Variants in DMD observed in about 807,000 individuals in gnomAD.
DMD encodes dystrophin.
DMD carries 63 observed loss-of-function variants against 330.1 expected under a neutral mutation model. The observed-to-expected ratio is 0.19, with a 90% CI of 0.16 to 0.24. DMD has a LOEUF of 0.24. DMD is among the 10% of genes least tolerant of loss of function. The pLI, the probability that DMD is intolerant of heterozygous loss-of-function variation, is 1.00. For missense variants in DMD, 3,344 were observed against 2,684.1 expected, an observed-to-expected ratio of 1.25 and a Z score of -5.43; for synonymous variants, 1,223 against 959.8, an observed-to-expected ratio of 1.27 and a Z score of -5.07.
At chrX:32,491,135 T>G in intron 20 of DMD, 142 bp downstream of exon 20, 4 of 760,491 alleles carry the variant, frequency 5.3e-6, no homozygotes, top group Non-Finnish European at 7.9e-6. Context: ...TTTCTGTTGC[T>G]TACATTTTGA....
intron 1 of DMD, among the ~76,000 whole-genome samples, chrX:33,022,005 T>C (rs144868610): frequency 0.012 from 1,305 of 111,982 alleles, 24 homozygotes; most frequent in African/African-American, 0.04. Flanking sequence ...TGGTCAAAAT[T>C]AAACCATCTT....
intron 44 of DMD, among the ~76,000 whole-genome samples, chrX:32,085,673 C>CGT (rs1569541222): frequency 4.5e-5 from 2 of 44,254 alleles, no homozygotes; most frequent in African/African-American, 1.7e-4. Flanking sequence ...CGTATATATA[C>CGT]ACACGCGTAT....
chrX:31,408,641 C>T (rs184533184), intron 60 of DMD, among the ~76,000 whole-genome samples: 1,850 of 109,093 alleles, frequency 0.017, 46 homozygotes, highest in African/African-American at 0.058. Flanking sequence ...TCAAGTGATC[C>T]GCCTGCCTCG....
chrX:32,657,468 A>G (rs778953315), intron 9 of DMD, among the ~76,000 whole-genome samples: 2 of 112,053 alleles, frequency 1.8e-5, no homozygotes, highest in South Asian at 7.3e-4. Context: ...TAATTCTTAC[A>G]AACACCCTAA....
chrX:33,188,234 A>ATCTCTCTCTCTCTCTCTC (rs745634940), intron 1 of DMD, among the ~76,000 whole-genome samples: 7 of 104,503 alleles, frequency 6.7e-5, no homozygotes, highest in African/African-American at 2.1e-4. Flanking sequence ...TCCTTTAACC[A>ATCTCTCTCTCTCTCTCTC]TCTCTCTCTC....
chrX:31,968,389 C>T lies in DMD; in HGVS notation c.6564G>A (p.Leu2188=). ...TGCAGACCTCCTGCCACCGCAGATT[C>T]AGGCTTCCCAATTTTTCCTGTAGAA... ...ASILQEKLGS[L]NLRWQEVCKQ... Residue 2188 remains leucine, a synonymous_variant, in exon 45 of 79, where the codon CTG becomes CTA. Transcript: ENST00000357033. 8.3e-7 allele frequency: 1 copy of T among 1,210,884 alleles called. No individual in the cohort carries two copies. Among genetic ancestry groups the T allele is most frequent in the East Asian group, 3.0e-5 (1 of 33,808 alleles).
chrX:32,932,820 C>A (rs2146711358), intron 2 of DMD, among the ~76,000 whole-genome samples: 1 of 112,026 alleles, frequency 8.9e-6, no homozygotes, highest in South Asian at 3.7e-4. Context: ...AAAGAAGTTT[C>A]TTTTTACGTG....
In DMD at chrX:32,251,634, G is replaced by C. The variant is rs768189787; in HGVS notation, c.6291-34571C>G. Among the ~76,000 whole-genome samples, 7 of 111,555 alleles carry C rather than the reference G, an allele frequency of 6.3e-5. No homozygotes were observed. In the East Asian group the frequency reaches 1.7e-3, roughly 27 times the overall value. On this transcript the variant is annotated intron_variant, in intron 43 of 78. Transcript: ENST00000357033. ...TCTAAGTGGCCATTCTGTTTTCAGG[G>C]AGGTTCCCTAAAGTACATTGTTTTC...
At chrX:31,508,385 C>A in intron 55 of DMD, 14 of 579,068 alleles carry the variant, frequency 2.4e-5, no homozygotes, top group Admixed American at 1.2e-4. Context: ...CCTCACCAGT[C>A]AATAATAATA....
chrX:32,192,157 A>G (rs2096978986), intron 44 of DMD, among the ~76,000 whole-genome samples: 1 of 111,830 alleles, frequency 8.9e-6, no homozygotes, highest in Non-Finnish European at 1.9e-5. Flanking sequence ...TCTGGGCCTC[A>G]AGAAGAATCC....
chrX:33,067,701 C>T (rs376767196), intron 1 of DMD, among the ~76,000 whole-genome samples: 2 of 110,324 alleles, frequency 1.8e-5, no homozygotes, highest in Non-Finnish European at 3.8e-5. Context: ...AAAAATTATC[C>T]GGGTGTGGTG....
chrX:31,916,410 T>G (rs2094609437), intron 47 of DMD, among the ~76,000 whole-genome samples: 1 of 111,431 alleles, frequency 9.0e-6, no homozygotes, highest in South Asian at 3.7e-4. Context: ...CAGTTAAGAG[T>G]TCTTAAATAA....
Position 31,830,641 on chromosome X carries a change from A to G in DMD, c.7200+6077T>C, listed in dbSNP as rs758215287. Among the ~76,000 whole-genome samples the G allele has an allele frequency of 2.7e-5, 3 of 112,419 alleles. No individual in the cohort carries two copies. The South Asian group carries it at 1.1e-3, about 42-fold the overall frequency. On this transcript the variant is annotated intron_variant, in intron 49 of 78. Coordinates refer to ENST00000357033, the MANE Select transcript of DMD (RefSeq NM_004006.3). The stretch of plus-strand genomic sequence containing the variant: ...ATCATATCTAAGAAAAATGAAAAAA[A>G]CAGTTTTCCTAATATTTTGTGAATG...
chrX:32,467,910 T>G (rs2040215128), intron 23 of DMD, among the ~76,000 whole-genome samples: 1 of 110,087 alleles, frequency 9.1e-6, no homozygotes, highest in African/African-American at 3.3e-5. Context: ...ACACCTACAT[T>G]TCTACTGCAC....
chrX:31,660,230 C>T (rs758138425), intron 53 of DMD, among the ~76,000 whole-genome samples: 5 of 112,036 alleles, frequency 4.5e-5, no homozygotes, highest in African/African-American at 1.6e-4. Flanking sequence ...CATTTATCCG[C>T]GTGGAATGCC....
At chrX:32,481,575 C>T (rs985814900) in intron 21 of DMD, among the ~76,000 whole-genome samples, 8 of 111,337 alleles carry the variant, frequency 7.2e-5, no homozygotes, top group Non-Finnish European at 1.5e-4. Flanking sequence ...TTCTGGCCTC[C>T]CTTATGTCTT....
chrX:31,153,870 C>T (rs1250059507), intron 74 of DMD, among the ~76,000 whole-genome samples: 1 of 112,106 alleles, frequency 8.9e-6, no homozygotes, highest in Non-Finnish European at 1.9e-5. Flanking sequence ...ATTCTAAAAG[C>T]CAGAAATGGT....
At chrX:31,466,654 T>C (rs1187213238) in intron 59 of DMD, among the ~76,000 whole-genome samples, 1 of 112,141 alleles carries the variant, frequency 8.9e-6, no homozygotes, top group African/African-American at 3.2e-5. Flanking sequence ...GGCTCTTTTT[T>C]GGTTCCATAT....
chrX:32,593,594 G>A (rs938764368), intron 13 of DMD, among the ~76,000 whole-genome samples: 1 of 110,315 alleles, frequency 9.1e-6, no homozygotes. Flanking sequence ...ATTACCCATC[G>A]CAACCAGGGT....
Sources: gnomAD v4.1 joint callset for allele counts (sites outside exome capture counted in the v4.1 genomes callset) on GRCh38, gnomAD v4.1.1 for gene constraint, MANE v1.5 for transcripts, NCBI Gene and HGNC (gene_info 2026-07-23, HGNC 2026-07-21) for gene names.